SHANK2: variants seen among roughly 807,000 people sequenced by gnomAD.
The protein encoded by SHANK2 is SH3 and multiple ankyrin repeat domains protein 2.
A neutral mutation model predicts 133.7 loss-of-function variants in SHANK2; 43 were observed. The observed-to-expected ratio is 0.32, with a 90% CI of 0.25 to 0.41. SHANK2 has a LOEUF of 0.41. Ranked by LOEUF, SHANK2 falls within the 10% of genes least tolerant of loss-of-function variation. The pLI, the probability that SHANK2 is intolerant of heterozygous loss-of-function variation, is 1.00. For missense variants in SHANK2, 1,994 were observed against 2,235.8 expected (o/e 0.89, Z 2.18); for synonymous variants, 1,017 against 952.8 (o/e 1.07, Z -1.24).
At chr11:70,623,780 C>T (rs1159522192) in intron 17 of SHANK2, among the ~76,000 whole-genome samples, 1 of 152,178 alleles carries the variant, frequency 6.6e-6, no homozygotes, top group Non-Finnish European at 1.5e-5. Flanking sequence ...GGTGCCATAT[C>T]GAGCACATGG....
At chr11:70,641,243 A>C (rs1388316630) in intron 17 of SHANK2, among the ~76,000 whole-genome samples, 9 of 151,868 alleles carry the variant, frequency 5.9e-5, no homozygotes, top group African/African-American at 9.7e-5. Flanking sequence ...CTACAGGCGC[A>C]TGCCACCACG....
intron 17 of SHANK2, among the ~76,000 whole-genome samples, chr11:70,621,092 T>C (rs1480463020): frequency 6.6e-6 from 1 of 152,126 alleles, no homozygotes; most frequent in African/African-American, 2.4e-5. Context: ...AAATGAAAGC[T>C]CAGGCACCAA....
In SHANK2 at chr11:70,808,561, CAAAAAA is replaced by C. The variant is rs57089863; in HGVS notation, c.1494-1396_1494-1391del. Reference sequence around the variant, plus strand: ...GCAACATGATGAAACCCTATTTCTACAAAAAAAAAAAAAAAAAAAAAAAATTGGCCA... The same window carrying C: ...GCAACATGATGAAACCCTATTTCTACAAAAAAAAAAAAAAAAAATTGGCCA... On this transcript the variant is annotated intron_variant, in intron 12 of 25. Coordinates refer to ENST00000601538, the MANE Select transcript of SHANK2 (RefSeq NM_012309.5). Among the ~76,000 whole-genome samples the C allele has an allele frequency of 9.5e-3, 888 of 93,138 alleles. 1 individual carries two copies. The highest frequency in any genetic ancestry group is 0.014 in the Admixed American group (102 of 7,516). 61.1% of individuals were successfully genotyped at this position (93,138 alleles called of 152,430 possible). A position where few individuals can be genotyped will look rare whatever the true frequency, so the allele number is the denominator to read the frequency against.
chr11:70,698,014 GCCCAGCCTCAACCTCCCCTGCAGGCACCC>G (rs1555022683), intron 15 of SHANK2: 1 of 152,698 alleles, frequency 6.5e-6, no homozygotes, highest in East Asian at 1.9e-4. Context: ...CACCTCCCCT[GCCCAGCCTCAACCTCCCCTGCAGGCACCC>G]CCCAGCCTCA....
intron 17 of SHANK2, among the ~76,000 whole-genome samples, chr11:70,590,643 G>A (rs1253498399): frequency 6.6e-6 from 1 of 152,172 alleles, no homozygotes. Context: ...CGAAGGCTCT[G>A]ATGATTGCTA....
chr11:70,528,698 A>T (rs1298908697), intron 17 of SHANK2, among the ~76,000 whole-genome samples: 2 of 151,868 alleles, frequency 1.3e-5, no homozygotes, highest in African/African-American at 4.8e-5. Flanking sequence ...CAAGCGGGTC[A>T]GCTCGCCGGC....
chr11:70,925,087 C>G (rs1555081332), intron 10 of SHANK2, among the ~76,000 whole-genome samples: 1 of 152,068 alleles, frequency 6.6e-6, no homozygotes, highest in East Asian at 1.9e-4. Context: ...CCATGGCGGT[C>G]GACACTGCAG....
At chr11:70,523,623 C>T (rs905597706) in intron 17 of SHANK2, among the ~76,000 whole-genome samples, 8 of 152,196 alleles carry the variant, frequency 5.3e-5, no homozygotes, top group Non-Finnish European at 1.2e-4. Flanking sequence ...TGCCCCCTCC[C>T]TGGCTGTCCT....
At chr11:71,091,323 A>C (rs1555093959) in intron 8 of SHANK2, among the ~76,000 whole-genome samples, 1 of 152,124 alleles carries the variant, frequency 6.6e-6, no homozygotes, top group African/African-American at 2.4e-5. Flanking sequence ...ATGAACCAGA[A>C]CTGACCTAGC....
rs1591511084 is a variant in SHANK2 at position 70,502,296 on chromosome 11, A to G, written c.2198-10T>C. ...TTTGGAGGCGGGGGAGCTGGAGGGC[A>G]GAGGAGAGATGGGTGTGAGACCCCA... On this transcript the variant is annotated splice_polypyrimidine_tract_variant and intron_variant, in intron 18 of 25. Coordinates refer to ENST00000601538, the MANE Select transcript of SHANK2 (RefSeq NM_012309.5). 1 of 1,551,840 alleles carries G rather than the reference A, an allele frequency of 6.4e-7. No homozygotes were observed. The highest frequency in any genetic ancestry group is 2.0e-5 in the Admixed American group (1 of 51,036).
chr11:71,189,020 C>A (rs1953733490), intron 2 of SHANK2, among the ~76,000 whole-genome samples: 1 of 152,210 alleles, frequency 6.6e-6, no homozygotes, highest in South Asian at 2.1e-4. Context: ...TCACAGCAAC[C>A]ACAGACGGCC....
At chr11:70,743,219 G>C (rs1197235053) in intron 14 of SHANK2, among the ~76,000 whole-genome samples, 1 of 152,232 alleles carries the variant, frequency 6.6e-6, no homozygotes, top group East Asian at 1.9e-4. Context: ...CCAGATGCCA[G>C]GGGCAGCGCT....
At chr11:70,853,962 G>T (rs1555066376) in intron 11 of SHANK2, among the ~76,000 whole-genome samples, 1 of 152,124 alleles carries the variant, frequency 6.6e-6, no homozygotes, top group African/African-American at 2.4e-5. Context: ...ATGACCTCAT[G>T]TTAACCAAAC....
In SHANK2 at chr11:70,500,430, G is replaced by C; in HGVS notation, c.2308+140C>G. 2 of 1,134,076 alleles carry C rather than the reference G, an allele frequency of 1.8e-6. No homozygotes were observed. The highest frequency in any genetic ancestry group is 2.6e-6 in the Non-Finnish European group (2 of 773,840). 70.3% of individuals were successfully genotyped at this position (1,134,076 alleles called of 1,614,324 possible). ...AGATGAATGTGCTCCAGGGCGGCAGGGCTCCTCGGGCAGGACCCAGCAGGA... is the reference window on the plus strand; with the variant it reads ...AGATGAATGTGCTCCAGGGCGGCAGCGCTCCTCGGGCAGGACCCAGCAGGA... On this transcript the variant is annotated intron_variant, in intron 21 of 25. Coordinates refer to ENST00000601538, the MANE Select transcript of SHANK2 (RefSeq NM_012309.5). This position sits in a 1 kb window ranked among gnomAD's most constrained non-coding sequence, Gnocchi z 4.5.
intron 13 of SHANK2, among the ~76,000 whole-genome samples, chr11:70,799,969 T>C (rs1192130811): frequency 6.6e-6 from 1 of 152,146 alleles, no homozygotes; most frequent in Non-Finnish European, 1.5e-5. Flanking sequence ...GATAACTATT[T>C]CTGTCATAAA....
chr11:70,769,588 C>A (rs536784436), intron 14 of SHANK2, among the ~76,000 whole-genome samples: 1 of 152,138 alleles, frequency 6.6e-6, no homozygotes, highest in African/African-American at 2.4e-5. Context: ...GAGCCTTCTG[C>A]GAGAGCACAT....
intron 23 of SHANK2, chr11:70,489,611 C>T: frequency 3.7e-6 from 2 of 544,800 alleles, no homozygotes; most frequent in South Asian, 2.1e-5. Flanking sequence ...AGGGTTGCCT[C>T]CACAACTCTC....
intron 6 of SHANK2, among the ~76,000 whole-genome samples, chr11:71,104,785 A>T (rs1951777659): frequency 6.6e-6 from 1 of 152,100 alleles, no homozygotes; most frequent in Non-Finnish European, 1.5e-5. Flanking sequence ...GAAAAAACAA[A>T]TGAGAATTCT....
intron 15 of SHANK2, among the ~76,000 whole-genome samples, chr11:70,695,236 G>GT (rs1555021998): frequency 2.0e-5 from 3 of 152,062 alleles, no homozygotes; most frequent in African/African-American, 7.2e-5. Context: ...CTGGACGGTG[G>GT]TGTCGGTTGC....
Sources: allele counts gnomAD v4.1 joint callset (sites outside exome capture counted in the v4.1 genomes callset), GRCh38; gene constraint gnomAD v4.1.1; non-coding constraint Gnocchi (gnomAD v3.1); transcripts MANE v1.5; gene names NCBI Gene and HGNC (gene_info 2026-07-23, HGNC 2026-07-21).